Variants in CNTNAP2 observed in about 807,000 individuals in gnomAD.
The protein encoded by CNTNAP2 is contactin associated protein 2.
Under a neutral mutation model 155.2 loss-of-function variants are expected in CNTNAP2, and 98 were observed. That is an observed-to-expected ratio of 0.63 (90% CI 0.54 to 0.75). CNTNAP2 has a LOEUF of 0.75. Ranked by LOEUF, CNTNAP2 falls within the 30% of genes least tolerant of loss-of-function variation. The pLI is 0.00. For synonymous variants in CNTNAP2, 651 were observed against 631.2 expected (o/e 1.03, Z -0.47); for missense variants, 1,727 against 1,688.1 (o/e 1.02, Z -0.40).
intron 11 of CNTNAP2, among the ~76,000 whole-genome samples, chr7:147,538,157 C>T (rs1010987901): frequency 1.8e-4 from 27 of 152,194 alleles, no homozygotes; most frequent in African/African-American, 6.5e-4. Flanking sequence ...AAACGTTCAT[C>T]GGTATAAGAA....
chr7:146,567,767 CT>C (rs1189157944), intron 1 of CNTNAP2, among the ~76,000 whole-genome samples: 1 of 152,096 alleles, frequency 6.6e-6, no homozygotes, highest in Non-Finnish European at 1.5e-5. Flanking sequence ...GTCTCCCAGG[CT>C]GGAGTGCAGT....
At chr7:146,553,592 C>G (rs758653633) in intron 1 of CNTNAP2, among the ~76,000 whole-genome samples, 1 of 151,982 alleles carries the variant, frequency 6.6e-6, no homozygotes, top group Non-Finnish European at 1.5e-5. Flanking sequence ...GCATTCTCTT[C>G]AAGGAAATAA....
intron 1 of CNTNAP2, among the ~76,000 whole-genome samples, chr7:146,562,327 G>A (rs1312674976): frequency 6.6e-6 from 1 of 151,182 alleles, no homozygotes; most frequent in South Asian, 2.1e-4. Flanking sequence ...TTATTGATAG[G>A]GTATGTTTTA....
intron 1 of CNTNAP2, among the ~76,000 whole-genome samples, chr7:146,516,681 G>A (rs1027629311): frequency 6.6e-6 from 1 of 151,778 alleles, no homozygotes; most frequent in Non-Finnish European, 1.5e-5. Flanking sequence ...AAGTCATCTG[G>A]CCAAATCCCA....
intron 1 of CNTNAP2, among the ~76,000 whole-genome samples, chr7:146,134,095 A>C (rs1383704398): frequency 1.3e-5 from 2 of 149,738 alleles, no homozygotes; most frequent in African/African-American, 4.9e-5. Flanking sequence ...TTCCTTGAGC[A>C]GTGGTTTGTA....
intron 1 of CNTNAP2, among the ~76,000 whole-genome samples, chr7:146,249,832 A>C (rs905233894): frequency 1.3e-5 from 2 of 152,212 alleles, no homozygotes; most frequent in Admixed American, 1.3e-4. Context: ...AGAAATGTCA[A>C]GAAAGACTTA....
chr7:148,052,927 G>T (rs1170605075), intron 15 of CNTNAP2, among the ~76,000 whole-genome samples: 1 of 152,116 alleles, frequency 6.6e-6, no homozygotes, highest in Non-Finnish European at 1.5e-5. Context: ...CACGCCTGTA[G>T]TCCCAGCTAC....
At chr7:147,087,633 C>T (rs1452481610) in intron 4 of CNTNAP2, among the ~76,000 whole-genome samples, 5 of 152,096 alleles carry the variant, frequency 3.3e-5, no homozygotes, top group South Asian at 2.1e-4. Flanking sequence ...ATCATTTCCA[C>T]CCAAAGTGGG....
At chr7:146,889,839 G>A (rs546047605) in intron 3 of CNTNAP2, among the ~76,000 whole-genome samples, 2 of 151,960 alleles carry the variant, frequency 1.3e-5, no homozygotes, top group South Asian at 2.1e-4. Flanking sequence ...GTCTTTCTTG[G>A]TATCCTGTTT....
intron 3 of CNTNAP2, among the ~76,000 whole-genome samples, chr7:146,866,761 C>T (rs73170372): frequency 0.079 from 12,025 of 151,962 alleles, 647 homozygotes; most frequent in Non-Finnish European, 0.11. Flanking sequence ...TGTAATAGAG[C>T]AGAGTTGGAA....
intron 2 of CNTNAP2, among the ~76,000 whole-genome samples, chr7:146,807,188 ATTGAT>A (rs1234789674): frequency 6.6e-6 from 1 of 152,162 alleles, no homozygotes; most frequent in Admixed American, 6.6e-5. Flanking sequence ...ACAATCTGGT[ATTGAT>A]AGTATTTTAG....
chr7:148,057,950 C>CTTATTATTATGA (rs1803052079), intron 15 of CNTNAP2, among the ~76,000 whole-genome samples: 1 of 142,740 alleles, frequency 7.0e-6, no homozygotes, highest in Admixed American at 7.1e-5. Context: ...CAGCTTCCAG[C>CTTATTATTATGA]TTATTATTAT....
At chr7:146,788,453 G>T (rs1802615135) in intron 2 of CNTNAP2, among the ~76,000 whole-genome samples, 1 of 152,314 alleles carries the variant, frequency 6.6e-6, no homozygotes, top group East Asian at 1.9e-4. Flanking sequence ...TCCCAGAGGA[G>T]GATGATTAAA....
intron 10 of CNTNAP2, among the ~76,000 whole-genome samples, chr7:147,481,726 T>C (rs1026986974): frequency 2.0e-5 from 3 of 152,116 alleles, no homozygotes; most frequent in Admixed American, 2.0e-4. Flanking sequence ...TCTTCTGGAG[T>C]CACTTGATCA....
At chr7:147,582,361 C>G (rs1800518539) in intron 12 of CNTNAP2, among the ~76,000 whole-genome samples, 1 of 152,042 alleles carries the variant, frequency 6.6e-6, no homozygotes, top group South Asian at 2.1e-4. Context: ...CTTATGGACT[C>G]AGAGGTTATA....
At chr7:147,862,958 T>C (rs187228590) in intron 13 of CNTNAP2, among the ~76,000 whole-genome samples, 148 of 152,176 alleles carry the variant, frequency 9.7e-4, no homozygotes, top group African/African-American at 3.4e-3. Context: ...TATTTTAAGT[T>C]CTAGGGTACA....
At chr7:147,264,643 C>T (rs1047026837) in intron 8 of CNTNAP2, among the ~76,000 whole-genome samples, 4 of 150,466 alleles carry the variant, frequency 2.7e-5, no homozygotes, top group Admixed American at 1.3e-4. Flanking sequence ...CTGACGGGGC[C>T]AGCCTGGAGC....
At chr7:146,893,447 A>G (rs867135549) in intron 3 of CNTNAP2, among the ~76,000 whole-genome samples, 2 of 145,966 alleles carry the variant, frequency 1.4e-5, no homozygotes, top group African/African-American at 5.2e-5. Context: ...GTGTATGTAT[A>G]TATGTGTGTG....
chr7:147,768,334 AG>A (rs1476247184), intron 13 of CNTNAP2, among the ~76,000 whole-genome samples: 4 of 152,114 alleles, frequency 2.6e-5, no homozygotes, highest in African/African-American at 7.2e-5. Flanking sequence ...GTAAATCGGG[AG>A]GAAGTGTATG....
Sources: allele counts gnomAD v4.1 joint callset (sites outside exome capture counted in the v4.1 genomes callset), GRCh38; gene constraint gnomAD v4.1.1; transcripts MANE v1.5; gene names NCBI Gene and HGNC (gene_info 2026-07-23, HGNC 2026-07-21).